Variants in KCNH7 observed in about 807,000 individuals in gnomAD.
The protein encoded by KCNH7 is potassium voltage-gated channel subfamily H member 7.
KCNH7 carries 49 observed loss-of-function variants against 120.8 expected under a neutral mutation model. The ratio of observed to expected loss-of-function variants is 0.41; its 90% CI spans 0.32 to 0.51. The LOEUF (loss-of-function observed/expected upper bound fraction) is 0.51, where lower values mean the gene tolerates loss of function less well. Among genes scored for constraint, KCNH7 ranks in the 20% least tolerant of loss-of-function variants. The pLI is 0.38. For synonymous variants in KCNH7, 547 were observed against 516.1 expected (o/e 1.06, Z -0.81); for missense variants, 1,097 against 1,446.6 (o/e 0.76, Z 3.92).
intron 8 of KCNH7, among the ~76,000 whole-genome samples, chr2:162,426,196 A>G (rs575628641): frequency 1.3e-5 from 2 of 149,798 alleles, no homozygotes; most frequent in Non-Finnish European, 3.0e-5. Context: ...CCTGGGTGAC[A>G]GAGTGAGACC....
At position 162,752,087 on chromosome 2, in the gene KCNH7, T is replaced by C. The variant is rs141194388; in HGVS notation, c.307+84450A>G. Reference sequence around the variant, plus strand: ...ACTTCCTTATTTTTGTCTATGATTTTCTCATCAATGTTTAAATAAAAGTAA... The same window carrying C: ...ACTTCCTTATTTTTGTCTATGATTTCCTCATCAATGTTTAAATAAAAGTAA... On this transcript the variant is annotated intron_variant, in intron 2 of 15. Transcript: ENST00000332142. Among the ~76,000 whole-genome samples, 631 of 152,278 alleles carry C rather than the reference T, an allele frequency of 4.1e-3. 9 individuals carry two copies. Among genetic ancestry groups the C allele is most frequent in the African/African-American group, 0.014 (587 of 41,576 alleles).
At chr2:162,601,399 C>CTTTTTTTTTTT (rs60201823) in intron 2 of KCNH7, among the ~76,000 whole-genome samples, 349 of 9,558 alleles carry the variant, frequency 0.037, 53 homozygotes, top group Non-Finnish European at 0.045. Context: ...ACTTCTTGTG[C>CTTTTTTTTTTT]TTTTTTTTTT....
intron 6 of KCNH7, among the ~76,000 whole-genome samples, chr2:162,459,377 T>G (rs1000796423): frequency 6.6e-6 from 1 of 152,114 alleles, no homozygotes; most frequent in Admixed American, 6.5e-5. Context: ...AGACAGCTGT[T>G]GTGGACCAAA....
At chr2:162,547,645 C>T (rs1692524874) in intron 2 of KCNH7, among the ~76,000 whole-genome samples, 1 of 152,062 alleles carries the variant, frequency 6.6e-6, no homozygotes, top group Admixed American at 6.6e-5. Flanking sequence ...AGTAATTTCC[C>T]CCAAGTCACA....
intron 2 of KCNH7, among the ~76,000 whole-genome samples, chr2:162,748,958 C>CCTTCCTTG (rs1412381372): frequency 6.0e-5 from 8 of 133,332 alleles, no homozygotes; most frequent in Non-Finnish European, 1.3e-4. Flanking sequence ...TTCCTTCCTT[C>CCTTCCTTG]CTTCCTTCCT....
At chr2:162,640,733 A>T (rs1684123653) in intron 2 of KCNH7, among the ~76,000 whole-genome samples, 1 of 152,160 alleles carries the variant, frequency 6.6e-6, no homozygotes, top group African/African-American at 2.4e-5. Context: ...TTTTTACTGC[A>T]AAAAGGACAA....
At chr2:162,440,318 A>G (rs1688380221) in intron 7 of KCNH7, among the ~76,000 whole-genome samples, 1 of 151,984 alleles carries the variant, frequency 6.6e-6, no homozygotes, top group Admixed American at 6.6e-5. Flanking sequence ...GAAACTTTCT[A>G]CTTAATCCAT....
At chr2:162,521,186 G>GCTCAAAATA (rs1691508357) in intron 3 of KCNH7, among the ~76,000 whole-genome samples, 1 of 151,828 alleles carries the variant, frequency 6.6e-6, no homozygotes, top group Non-Finnish European at 1.5e-5. Flanking sequence ...AGAAGGGCAG[G>GCTCAAAATA]GCCCCAGGCT....
chr2:162,753,065 C>A (rs1230787261), intron 2 of KCNH7, among the ~76,000 whole-genome samples: 1 of 148,728 alleles, frequency 6.7e-6, no homozygotes, highest in African/African-American at 2.4e-5. Flanking sequence ...TAGTTTGATT[C>A]CTAAAGAAAA....
intron 8 of KCNH7, among the ~76,000 whole-genome samples, chr2:162,430,393 C>T (rs1688023903): frequency 6.6e-6 from 1 of 152,004 alleles, no homozygotes; most frequent in Non-Finnish European, 1.5e-5. Context: ...GTTTCTGGAG[C>T]TTTTCTTTTC....
intron 9 of KCNH7, among the ~76,000 whole-genome samples, chr2:162,405,014 C>T (rs949425577): frequency 1.3e-5 from 2 of 151,982 alleles, no homozygotes; most frequent in African/African-American, 4.8e-5. Context: ...CAAAGAAATT[C>T]TCAAGGTAAG....
chr2:162,819,261 T>C (rs938836165), intron 2 of KCNH7, among the ~76,000 whole-genome samples: 1 of 152,232 alleles, frequency 6.6e-6, no homozygotes, highest in African/African-American at 2.4e-5. Flanking sequence ...GTTGTGGTTA[T>C]ATTAAAGAAT....
intron 6 of KCNH7, among the ~76,000 whole-genome samples, chr2:162,459,128 A>G (rs560487166): frequency 4.4e-4 from 66 of 151,596 alleles, no homozygotes; most frequent in South Asian, 1.5e-3. Context: ...GAAGATCTGG[A>G]AAGTGGATTA....
In KCNH7 at chr2:162,776,639, A is replaced by C. The variant is rs528208644; in HGVS notation, c.307+59898T>G. 3.3e-5 allele frequency among the ~76,000 whole-genome samples: 5 copies of C among 152,264 alleles called. No homozygotes were observed. In the East Asian group the frequency reaches 9.7e-4, roughly 29 times the overall value. ...AGCTTCAGATCATGTAGTCTCTAAA[A>C]GAGACAGTAGCTCAGTCTAGGACTT... On this transcript the variant is annotated intron_variant, in intron 2 of 15. Coordinates refer to ENST00000332142, the MANE Select transcript of KCNH7 (RefSeq NM_033272.4).
chr2:162,502,477 C>A (rs925419395), intron 6 of KCNH7, among the ~76,000 whole-genome samples: 2 of 152,014 alleles, frequency 1.3e-5, no homozygotes, highest in Non-Finnish European at 2.9e-5. Context: ...TAATGTCACA[C>A]AATAAATGCC....
At chr2:162,735,034 G>A (rs1316584623) in intron 2 of KCNH7, among the ~76,000 whole-genome samples, 2 of 152,126 alleles carry the variant, frequency 1.3e-5, no homozygotes, top group Non-Finnish European at 2.9e-5. Flanking sequence ...CCTGGGACAC[G>A]ACAAGGCTTA....
chr2:162,378,554 T>A lies in KCNH7; in HGVS notation c.3131+1299A>T, dbSNP rs74845007. Among the ~76,000 whole-genome samples, 1,023 of 152,336 alleles carry A rather than the reference T, an allele frequency of 6.7e-3. 8 individuals carry two copies. Among genetic ancestry groups the A allele is most frequent in the African/African-American group, 0.024 (983 of 41,576 alleles). ...GAGTAAGCAAGCAGCTTGTTAAACA[T>A]GGCAGAATTCATAAGATACATTAAA... On this transcript the variant is annotated intron_variant, in intron 14 of 15. Transcript: ENST00000332142.
At chr2:162,390,158 G>C (rs1052750749) in intron 12 of KCNH7, among the ~76,000 whole-genome samples, 1 of 151,790 alleles carries the variant, frequency 6.6e-6, no homozygotes, top group African/African-American at 2.4e-5. Context: ...AACAGAAAGC[G>C]TTGAGCAGAA....
At chr2:162,621,111 G>A (rs2105194374) in intron 2 of KCNH7, among the ~76,000 whole-genome samples, 1 of 151,750 alleles carries the variant, frequency 6.6e-6, no homozygotes, top group South Asian at 2.1e-4. Flanking sequence ...TATTCATTTG[G>A]TTAAGCAATT....
Sources: gnomAD v4.1 joint callset for allele counts (sites outside exome capture counted in the v4.1 genomes callset) on GRCh38, gnomAD v4.1.1 for gene constraint, MANE v1.5 for transcripts, NCBI Gene and HGNC (gene_info 2026-07-23, HGNC 2026-07-21) for gene names.